PLCH1: variants seen among roughly 807,000 people sequenced by gnomAD.
The protein encoded by PLCH1 is 1-phosphatidylinositol 4,5-bisphosphate phosphodiesterase eta-1.
A neutral mutation model predicts 126.7 loss-of-function variants in PLCH1; 60 were observed. That is an observed-to-expected ratio of 0.47 (90% CI 0.38 to 0.59). PLCH1 has a LOEUF of 0.59. Among genes scored for constraint, PLCH1 ranks in the 20% least tolerant of loss-of-function variants. PLCH1 has a pLI of 0.00. For synonymous variants in PLCH1, 719 were observed against 734.9 expected (o/e 0.98, Z 0.35); for missense variants, 1,723 against 2,040.0 (o/e 0.84, Z 2.99).
intron 4 of PLCH1, among the ~76,000 whole-genome samples, chr3:155,592,174 TAAAAAAAA>T (rs11329108): frequency 7.7e-6 from 1 of 129,306 alleles, no homozygotes; most frequent in Non-Finnish European, 1.6e-5. Flanking sequence ...TTTTCTCTTT[TAAAAAAAA>T]AAAAAAAAAA....
chr3:155,493,534 C>T (rs147617119), intron 17 of PLCH1, among the ~76,000 whole-genome samples: 28 of 152,210 alleles, frequency 1.8e-4, no homozygotes, highest in South Asian at 4.2e-4. Context: ...ACTACAGGCA[C>T]GCACCACTAT....
chr3:155,485,943 A>G (rs1715005153), intron 21 of PLCH1: 2 of 602,524 alleles, frequency 3.3e-6, no homozygotes, highest in East Asian at 2.8e-5. Flanking sequence ...AAGCTTTCCC[A>G]GAAGTTTCCT....
At chr3:155,595,684 T>G (rs1732891130) in intron 3 of PLCH1, among the ~76,000 whole-genome samples, 1 of 152,178 alleles carries the variant, frequency 6.6e-6, no homozygotes. Context: ...ATGAGCCAAT[T>G]CTACTAAGTC....
chr3:155,614,012 G>A (rs1212835611), intron 2 of PLCH1, among the ~76,000 whole-genome samples: 2 of 152,066 alleles, frequency 1.3e-5, no homozygotes, highest in Non-Finnish European at 2.9e-5. Flanking sequence ...CAACAACCAA[G>A]CTGAGAATCA....
intron 2 of PLCH1, among the ~76,000 whole-genome samples, chr3:155,642,390 A>G (rs974291439): frequency 2.6e-5 from 4 of 152,236 alleles, no homozygotes; most frequent in Admixed American, 2.0e-4. Context: ...CTTCACTGAA[A>G]GAAGTTTAAG....
At chr3:155,521,111 G>T (rs1721034387) in intron 11 of PLCH1, among the ~76,000 whole-genome samples, 1 of 152,050 alleles carries the variant, frequency 6.6e-6, no homozygotes, top group Admixed American at 6.6e-5. Flanking sequence ...TCCCTGTGAG[G>T]CCTTTCGTTG....
At chr3:155,464,892 C>A (rs1263865971) in intron 21 of PLCH1, among the ~76,000 whole-genome samples, 2 of 152,108 alleles carry the variant, frequency 1.3e-5, no homozygotes, top group Non-Finnish European at 2.9e-5. Context: ...AGGTGGATCA[C>A]AAGGTCAGGA....
intron 2 of PLCH1, among the ~76,000 whole-genome samples, chr3:155,657,453 T>C (rs982188855): frequency 5.3e-5 from 8 of 152,064 alleles, no homozygotes; most frequent in Non-Finnish European, 1.2e-4. Context: ...AGAGAAGAGC[T>C]CCGGAGATAG....
In PLCH1 at chr3:155,504,584, A is replaced by G. The variant is rs777015249; in HGVS notation, c.1675T>C (p.Ser559Pro). The G allele has an allele frequency of 1.2e-6, 2 of 1,607,798 alleles. No homozygotes were observed. Among genetic ancestry groups the G allele is most frequent in the Admixed American group, 3.3e-5 (2 of 60,010 alleles). The change falls in exon 13 of 23, where the codon TCC becomes CCC. Residue 559 changes from serine to proline, a missense_variant. By Grantham distance (74) the Ser-to-Pro change is moderately conservative (BLOSUM62 -1). Around this residue, in one of 2 missense-constraint regions of PLCH1, gnomAD observed 776 missense variants for 1,062.9 expected, o/e 0.73. Transcript: ENST00000460012. ...KESGKKSHGR[S>P]LMTNFGKHKK... ...TGTTTTCCAAAGTTGGTCATGAGGG[A>G]TCGTCCATGTGATTTCTTTCCACTT...
Position 155,481,077 on chromosome 3 carries a change from G to A in PLCH1, c.4949C>T (p.Thr1650Met), listed in dbSNP as rs144969124. 216 of 1,614,164 alleles carry A rather than the reference G, an allele frequency of 1.3e-4. 1 individual carries two copies. The East Asian group carries it at 4.0e-3, about 30-fold the overall frequency. The change falls in exon 23 of 23, where the codon ACG (threonine) becomes ATG (methionine). Residue 1650 changes from threonine to methionine, a missense_variant. Physicochemically the swap from Thr to Met is moderately conservative, Grantham distance 81. This residue lies in a region of PLCH1 where 947 missense variants were observed against 977.1 expected (regional missense o/e 0.97). Coordinates refer to ENST00000460012, the MANE Select transcript of PLCH1 (RefSeq NM_014996.4). This position sits in a 1 kb window ranked among gnomAD's most constrained non-coding sequence, Gnocchi z 4.2. ...GTCAACGTGGCCATAGTGAAGAGCC[G>A]TGCATGCCCCCTCTGGGATGCCCCG... ...EGRGIPEGAC[T>M]ALHYGHVDQF...
intron 2 of PLCH1, among the ~76,000 whole-genome samples, chr3:155,693,651 T>C (rs1745580833): frequency 6.6e-6 from 1 of 152,010 alleles, no homozygotes; most frequent in Admixed American, 6.6e-5. Flanking sequence ...CAGCAGCGGC[T>C]GGATGTGGTG....
chr3:155,594,297 C>A, intron 3 of PLCH1, 113 bp from the exon 4 acceptor site: 1 of 1,019,254 alleles, frequency 9.8e-7, no homozygotes, highest in South Asian at 1.6e-5. Context: ...AAGTATGAGG[C>A]TGGGTGCTCA....
At chr3:155,527,204 A>G (rs1722065698) in intron 10 of PLCH1, among the ~76,000 whole-genome samples, 1 of 152,228 alleles carries the variant, frequency 6.6e-6, no homozygotes, top group Admixed American at 6.5e-5. Context: ...CTCTTAAAAC[A>G]TAGGGATGGA....
chr3:155,601,305 A>T (rs913967866), intron 2 of PLCH1, among the ~76,000 whole-genome samples: 2 of 152,150 alleles, frequency 1.3e-5, no homozygotes, highest in South Asian at 2.1e-4. Context: ...TCAATTTTTT[A>T]AAATAATTAA....
intron 8 of PLCH1, among the ~76,000 whole-genome samples, chr3:155,561,774 T>C (rs1727665866): frequency 6.6e-6 from 1 of 152,040 alleles, no homozygotes; most frequent in South Asian, 2.1e-4. Context: ...TTCCTATTTC[T>C]CCACATCCTC....
chr3:155,704,391 A>G (rs1031729984), intron 1 of PLCH1, 127 bp from the exon 2 acceptor site: 4 of 394,778 alleles, frequency 1.0e-5, no homozygotes, highest in African/African-American at 2.1e-5. Context: ...TTCTCCACAC[A>G]TGGAGCTGGA....
intron 2 of PLCH1, among the ~76,000 whole-genome samples, chr3:155,636,575 C>T (rs1406995649): frequency 2.6e-5 from 4 of 151,874 alleles, no homozygotes; most frequent in Non-Finnish European, 5.9e-5. Flanking sequence ...GGAGAAACCC[C>T]GTTTCTACTA....
At chr3:155,680,123 G>A (rs765442828) in intron 2 of PLCH1, among the ~76,000 whole-genome samples, 16 of 152,124 alleles carry the variant, frequency 1.1e-4, no homozygotes, top group Non-Finnish European at 2.1e-4. Context: ...GGTGGCTCAC[G>A]CCTGTAATCC....
intron 2 of PLCH1, among the ~76,000 whole-genome samples, chr3:155,686,277 G>T (rs1212037293): frequency 6.6e-6 from 1 of 152,166 alleles, no homozygotes. Context: ...TGTAATGTAA[G>T]CTCCTTACAG....
Sources: allele counts gnomAD v4.1 joint callset (sites outside exome capture counted in the v4.1 genomes callset), GRCh38; gene constraint gnomAD v4.1.1; regional missense constraint gnomAD v4.1.1; non-coding constraint Gnocchi (gnomAD v3.1); transcripts MANE v1.5; gene names NCBI Gene and HGNC (gene_info 2026-07-23, HGNC 2026-07-21).